GRID2: variants seen among roughly 807,000 people sequenced by gnomAD.
GRID2 encodes glutamate receptor ionotropic, delta-2.
GRID2 carries 33 observed loss-of-function variants against 114.8 expected under a neutral mutation model. The observed-to-expected ratio is 0.29, with a 90% CI of 0.22 to 0.38. The LOEUF is 0.38. GRID2 is among the 10% of genes least tolerant of loss of function. GRID2 has a pLI of 1.00. For synonymous variants in GRID2, 505 were observed against 449.9 expected (o/e 1.12, Z -1.55); for missense variants, 1,184 against 1,257.7 (o/e 0.94, Z 0.89).
chr4:92,717,724 A>G (rs977441997), intron 2 of GRID2, among the ~76,000 whole-genome samples: 1 of 152,186 alleles, frequency 6.6e-6, no homozygotes, highest in African/African-American at 2.4e-5. Context: ...TTCTTGTTCA[A>G]TGAATTGAAC....
intron 2 of GRID2, among the ~76,000 whole-genome samples, chr4:92,817,104 C>A (rs766742837): frequency 6.3e-4 from 96 of 152,124 alleles, no homozygotes; most frequent in Non-Finnish European, 1.1e-3. Flanking sequence ...ACACTACTCA[C>A]ATTCACATCC....
chr4:93,463,709 G>A lies in GRID2; in HGVS notation c.1858+7735G>A, dbSNP rs188335126. ...TAAATGATAGAACAAGCAGGTGCTG[G>A]CTGGGCGCGGTGGCTCACGCCTGTA... On this transcript the variant is annotated intron_variant, in intron 11 of 15. Transcript: ENST00000282020. Among the ~76,000 whole-genome samples the A allele has an allele frequency of 7.1e-3, 1,071 of 151,654 alleles. 48 individuals carry two copies. The highest frequency in any genetic ancestry group is 0.067 in the Admixed American group (1,018 of 15,238).
At chr4:93,679,248 C>T (rs1287635738) in intron 14 of GRID2, among the ~76,000 whole-genome samples, 1 of 151,074 alleles carries the variant, frequency 6.6e-6, no homozygotes, top group Non-Finnish European at 1.5e-5. Context: ...TATATAGGCA[C>T]CCAATACAGG....
chr4:93,573,071 A>G (rs756971576), intron 13 of GRID2, among the ~76,000 whole-genome samples: 4 of 152,186 alleles, frequency 2.6e-5, no homozygotes, highest in Non-Finnish European at 5.9e-5. Context: ...CACCTCGTGG[A>G]ATACACAGGA....
At chr4:93,539,144 A>G (rs1026083144) in intron 13 of GRID2, among the ~76,000 whole-genome samples, 1 of 151,904 alleles carries the variant, frequency 6.6e-6, no homozygotes, top group Non-Finnish European at 1.5e-5. Context: ...ATGAACTGTT[A>G]TTTCTGACTG....
chr4:93,122,653 C>T (rs1254799621), intron 4 of GRID2, among the ~76,000 whole-genome samples: 1 of 151,776 alleles, frequency 6.6e-6, no homozygotes, highest in African/African-American at 2.4e-5. Context: ...CACTCAAAAA[C>T]AAACTGCTCC....
intron 2 of GRID2, among the ~76,000 whole-genome samples, chr4:92,658,467 A>G (rs1479022577): frequency 1.3e-5 from 2 of 151,814 alleles, no homozygotes; most frequent in Non-Finnish European, 2.9e-5. Context: ...TGGTAAAGGC[A>G]TAGCTGAAGC....
At chr4:93,331,887 T>C (rs1758503689) in intron 8 of GRID2, among the ~76,000 whole-genome samples, 1 of 152,102 alleles carries the variant, frequency 6.6e-6, no homozygotes, top group East Asian at 1.9e-4. Flanking sequence ...TTCTTCCTCT[T>C]TATGGAACTG....
intron 2 of GRID2, among the ~76,000 whole-genome samples, chr4:92,731,354 T>G (rs1417597570): frequency 1.3e-5 from 2 of 151,882 alleles, no homozygotes; most frequent in Admixed American, 1.3e-4. Flanking sequence ...CAAGGCAACC[T>G]AATACCAATA....
intron 8 of GRID2, among the ~76,000 whole-genome samples, chr4:93,334,380 GA>G (rs5860324): frequency 0.25 from 37,661 of 150,654 alleles, 7,710 homozygotes; most frequent in African/African-American, 0.56. Context: ...GACTTACTGT[GA>G]AAAAAAAACC....
At chr4:92,742,998 C>T (rs1268773946) in intron 2 of GRID2, among the ~76,000 whole-genome samples, 1 of 152,062 alleles carries the variant, frequency 6.6e-6, no homozygotes, top group Non-Finnish European at 1.5e-5. Flanking sequence ...AAATAAGGGC[C>T]AGGAGCAGTG....
At chr4:92,525,471 C>T (rs769156310) in intron 1 of GRID2, among the ~76,000 whole-genome samples, 1 of 152,002 alleles carries the variant, frequency 6.6e-6, no homozygotes, top group Non-Finnish European at 1.5e-5. Context: ...TGTCCTAAAT[C>T]ACTGAGGGAG....
At chr4:93,608,922 C>G (rs1740633609) in intron 13 of GRID2, among the ~76,000 whole-genome samples, 1 of 129,508 alleles carries the variant, frequency 7.7e-6, no homozygotes, top group Non-Finnish European at 1.7e-5. Flanking sequence ...GTTGACAGTC[C>G]CACCAACAGT....
At chr4:93,301,407 T>G (rs1754854594) in intron 8 of GRID2, among the ~76,000 whole-genome samples, 1 of 152,198 alleles carries the variant, frequency 6.6e-6, no homozygotes, top group Non-Finnish European at 1.5e-5. Context: ...TTTTTTACTT[T>G]CAAGTTTAAA....
intron 14 of GRID2, among the ~76,000 whole-genome samples, chr4:93,746,285 A>G (rs1315785769): frequency 6.6e-6 from 1 of 152,116 alleles, no homozygotes; most frequent in Non-Finnish European, 1.5e-5. Flanking sequence ...AAATACCATA[A>G]TACAATACAA....
chr4:93,092,134 G>T (rs972317304), intron 3 of GRID2, among the ~76,000 whole-genome samples: 3 of 152,088 alleles, frequency 2.0e-5, no homozygotes, highest in South Asian at 2.1e-4. Context: ...TGAGGAGATT[G>T]TTTCAACACT....
chr4:93,802,410 CAGAGAGAGAGAAAG>C (rs1425154877), intron 1 of GRID2, among the ~76,000 whole-genome samples: 2 of 151,086 alleles, frequency 1.3e-5, no homozygotes, highest in African/African-American at 2.4e-5. Flanking sequence ...GTGTGTGTGA[CAGAGAGAGAGAAAG>C]AGAGAGAGAG....
chr4:93,489,286 A>G (rs1726738782), intron 11 of GRID2, among the ~76,000 whole-genome samples: 1 of 151,976 alleles, frequency 6.6e-6, no homozygotes, highest in African/African-American at 2.4e-5. Flanking sequence ...AGAAAATTTT[A>G]GGCATAACCA....
intron 1 of GRID2, among the ~76,000 whole-genome samples, chr4:92,470,616 A>T (rs1257367778): frequency 6.6e-6 from 1 of 152,044 alleles, no homozygotes; most frequent in African/African-American, 2.4e-5. Flanking sequence ...GCCGTAACTT[A>T]ACCAATAAAT....
Sources: allele counts gnomAD v4.1 joint callset (sites outside exome capture counted in the v4.1 genomes callset), GRCh38; gene constraint gnomAD v4.1.1; transcripts MANE v1.5; gene names NCBI Gene and HGNC (gene_info 2026-07-23, HGNC 2026-07-21).